The following FRMD3 variants were observed in gnomAD, a reference collection of about 807,000 sequenced individuals.
FRMD3 encodes FERM domain-containing protein 3.
In FRMD3, 33 loss-of-function variants were observed where a neutral mutation model predicts 70.2. The observed-to-expected ratio is 0.47, with a 90% CI of 0.36 to 0.63. The LOEUF (loss-of-function observed/expected upper bound fraction) is 0.63, where lower values mean the gene tolerates loss of function less well. Ranked by LOEUF, FRMD3 falls within the 20% of genes least tolerant of loss-of-function variation. FRMD3 has a pLI of 0.00. For missense variants in FRMD3, 632 were observed against 711.4 expected (o/e 0.89, Z 1.27); for synonymous variants, 279 against 255.9 (o/e 1.09, Z -0.86).
At chr9:83,472,072 A>G (rs1828281976) in intron 1 of FRMD3, among the ~76,000 whole-genome samples, 1 of 151,496 alleles carries the variant, frequency 6.6e-6, no homozygotes, top group Non-Finnish European at 1.5e-5. Context: ...TGAAGGGACT[A>G]GGGTGCTACC....
At chr9:83,438,916 C>T (rs533407652) in intron 1 of FRMD3, among the ~76,000 whole-genome samples, 30 of 152,300 alleles carry the variant, frequency 2.0e-4, no homozygotes, top group South Asian at 1.2e-3. Flanking sequence ...AAATGGCTGC[C>T]GTAGGTCTCT....
the FRMD3 span, among the ~76,000 whole-genome samples, chr9:83,568,897 A>C: frequency 6.6e-6 from 1 of 152,034 alleles, no homozygotes; most frequent in Non-Finnish European, 1.5e-5. Context: ...ATAAATGTGA[A>C]TAACTACAAC....
intron 1 of FRMD3, among the ~76,000 whole-genome samples, chr9:83,404,025 A>G (rs1386217050): frequency 1.3e-5 from 2 of 151,848 alleles, no homozygotes; most frequent in African/African-American, 4.8e-5. Context: ...TGGAATTCCT[A>G]AAACAACTGC....
At chr9:83,380,409 G>A (rs575454684) in intron 2 of FRMD3, among the ~76,000 whole-genome samples, 1 of 152,268 alleles carries the variant, frequency 6.6e-6, no homozygotes, top group South Asian at 2.1e-4. Flanking sequence ...GAGTTTCCTT[G>A]TTCTAACAGT....
chr9:83,576,731 G>A, the FRMD3 span, among the ~76,000 whole-genome samples: 1 of 152,010 alleles, frequency 6.6e-6, no homozygotes, highest in East Asian at 1.9e-4. Context: ...ATTTAACATT[G>A]TACAGGAGTT....
intron 13 of FRMD3, among the ~76,000 whole-genome samples, chr9:83,261,183 T>C (rs952921658): frequency 6.7e-6 from 1 of 148,820 alleles, no homozygotes; most frequent in African/African-American, 2.5e-5. Flanking sequence ...CCAGCTGAAA[T>C]CTGGAACACT....
At chr9:83,560,156 T>C in the FRMD3 span, among the ~76,000 whole-genome samples, 1 of 152,220 alleles carries the variant, frequency 6.6e-6, no homozygotes, top group Non-Finnish European at 1.5e-5. Flanking sequence ...TGTATTAAAA[T>C]TACACATCCA....
At chr9:83,527,579 C>T (rs1701754544) in intron 1 of FRMD3, among the ~76,000 whole-genome samples, 1 of 152,054 alleles carries the variant, frequency 6.6e-6, no homozygotes, top group South Asian at 2.1e-4. Flanking sequence ...AGATGTGGTC[C>T]ACAGACCAGC....
At chr9:83,403,348 G>C (rs1025548485) in intron 1 of FRMD3, among the ~76,000 whole-genome samples, 1 of 152,150 alleles carries the variant, frequency 6.6e-6, no homozygotes, top group Non-Finnish European at 1.5e-5. Context: ...AGAGAGAAAC[G>C]GGAGGAAAGA....
chr9:83,489,461 G>A (rs4097648), intron 1 of FRMD3, among the ~76,000 whole-genome samples: 1 of 152,074 alleles, frequency 6.6e-6, no homozygotes, highest in Non-Finnish European at 1.5e-5. Flanking sequence ...TGAACTGACA[G>A]TTTTCAAAAC....
chr9:83,416,741 C>CTCTG (rs1183924406), intron 1 of FRMD3, among the ~76,000 whole-genome samples: 11 of 131,152 alleles, frequency 8.4e-5, no homozygotes, highest in Non-Finnish European at 1.1e-4. Context: ...AAACATTTCT[C>CTCTG]TCTGTCTCTC....
At position 83,311,837 on chromosome 9, in the gene FRMD3, G is replaced by A. The variant is rs774514774; in HGVS notation, c.773+50C>T. On this transcript the variant is annotated intron_variant, in intron 8 of 13. Transcript: ENST00000304195. Reference sequence around the variant, plus strand: ...CCGAGAAGCCAAGGAGGGGACGGAGGAATCAAGATTAAGAAAAATGGAAAG... The same window carrying A: ...CCGAGAAGCCAAGGAGGGGACGGAGAAATCAAGATTAAGAAAAATGGAAAG... The A allele has an allele frequency of 3.1e-6, 4 of 1,280,206 alleles. No homozygotes were observed. The African/African-American group carries it at 5.9e-5, about 19-fold the overall frequency. The allele number at this position is 1,280,206 out of a possible 1,614,324, so 79.3% of individuals were successfully genotyped here.
intron 1 of FRMD3, among the ~76,000 whole-genome samples, chr9:83,522,887 A>G (rs1374171810): frequency 6.6e-6 from 1 of 152,102 alleles, no homozygotes; most frequent in African/African-American, 2.4e-5. Context: ...AAGTAGTAAC[A>G]TTGGAGGAGA....
intron 1 of FRMD3, among the ~76,000 whole-genome samples, chr9:83,506,841 C>T (rs914147928): frequency 1.3e-5 from 2 of 152,142 alleles, no homozygotes; most frequent in Admixed American, 1.3e-4. Context: ...TACAGCTGCA[C>T]ATAATATTTT....
chr9:83,428,367 G>C (rs1463285458), intron 1 of FRMD3, among the ~76,000 whole-genome samples: 3 of 150,680 alleles, frequency 2.0e-5, no homozygotes. Context: ...AACAGAGCGA[G>C]ACTCGGCCTC....
chr9:83,584,528 T>C, the FRMD3 span, among the ~76,000 whole-genome samples: 1 of 152,140 alleles, frequency 6.6e-6, no homozygotes, highest in East Asian at 1.9e-4. Flanking sequence ...GGTGTTGGTA[T>C]TGTCACTCCA....
At chr9:83,250,194 A>T (rs1832334409) in intron 13 of FRMD3, among the ~76,000 whole-genome samples, 1 of 152,094 alleles carries the variant, frequency 6.6e-6, no homozygotes, top group Non-Finnish European at 1.5e-5. Context: ...CACAGAAGCA[A>T]AGGAGACCCC....
the FRMD3 span, among the ~76,000 whole-genome samples, chr9:83,546,869 C>A: frequency 1.9e-5 from 2 of 106,408 alleles, no homozygotes; most frequent in East Asian, 5.8e-4. Flanking sequence ...TCCAGCCTAG[C>A]GACAGAGTGA....
chr9:83,575,034 C>T, the FRMD3 span, among the ~76,000 whole-genome samples: 2 of 152,102 alleles, frequency 1.3e-5, no homozygotes, highest in East Asian at 3.9e-4. Context: ...GACTGAAGCT[C>T]GCCACTGACT....
Sources: gnomAD v4.1 joint callset for allele counts (sites outside exome capture counted in the v4.1 genomes callset) on GRCh38, gnomAD v4.1.1 for gene constraint, MANE v1.5 for transcripts, NCBI Gene and HGNC (gene_info 2026-07-23, HGNC 2026-07-21) for gene names.